OTUD7B: variants seen among roughly 807,000 people sequenced by gnomAD.
OTUD7B encodes the protein OTU domain-containing protein 7B.
Under a neutral mutation model 82.2 loss-of-function variants are expected in OTUD7B, and 34 were observed. That is an observed-to-expected ratio of 0.41 (90% confidence interval 0.31 to 0.55). OTUD7B has a LOEUF of 0.55. OTUD7B is among the 20% of genes least tolerant of loss of function. The pLI, the probability that OTUD7B is intolerant of heterozygous loss-of-function variation, is 0.20. For synonymous variants in OTUD7B, 398 were observed against 402.7 expected (o/e 0.99, Z 0.14); for missense variants, 944 against 1,062.1 (o/e 0.89, Z 1.55).
chr1:150,056,539 G>T, the OTUD7B span, among the ~76,000 whole-genome samples: 348 of 152,222 alleles, frequency 2.3e-3, 1 homozygote, highest in African/African-American at 8.0e-3. Context: ...ACATCAATCT[G>T]AGGTAGGCGT....
At chr1:149,982,504 G>C (rs1553779945) in intron 1 of OTUD7B, among the ~76,000 whole-genome samples, 1 of 152,032 alleles carries the variant, frequency 6.6e-6, no homozygotes, top group Non-Finnish European at 1.5e-5. Context: ...CTGTCACCCA[G>C]GCTGGAGTGC....
the OTUD7B span, among the ~76,000 whole-genome samples, chr1:150,026,570 G>GTAA: frequency 6.6e-6 from 1 of 152,102 alleles, no homozygotes; most frequent in Admixed American, 6.5e-5. Flanking sequence ...TTGTGCAAAG[G>GTAA]TAACACATAG....
chr1:149,979,340 C>T (rs1454295307), intron 1 of OTUD7B, among the ~76,000 whole-genome samples: 1 of 152,140 alleles, frequency 6.6e-6, no homozygotes, highest in African/African-American at 2.4e-5. Flanking sequence ...ACCATGCTGT[C>T]ACAACTCTTA....
At chr1:150,033,029 A>G in the OTUD7B span, among the ~76,000 whole-genome samples, 1 of 152,288 alleles carries the variant, frequency 6.6e-6, no homozygotes, top group African/African-American at 2.4e-5. Flanking sequence ...ACATTCTGTA[A>G]TTACTCAGTT....
intron 7 of OTUD7B, among the ~76,000 whole-genome samples, chr1:149,952,926 C>A (rs2101758697): frequency 6.6e-6 from 1 of 152,224 alleles, no homozygotes; most frequent in South Asian, 2.1e-4. Context: ...TGTTTAAGTT[C>A]TTTGTAGATT....
At chr1:150,024,866 G>T in the OTUD7B span, among the ~76,000 whole-genome samples, 1 of 151,984 alleles carries the variant, frequency 6.6e-6, no homozygotes, top group Admixed American at 6.6e-5. Context: ...TGGCCAACAT[G>T]GTGAAACCCC....
chr1:149,954,040 C>A (rs587733523), intron 7 of OTUD7B, among the ~76,000 whole-genome samples: 13 of 152,246 alleles, frequency 8.5e-5, no homozygotes, highest in African/African-American at 2.9e-4. Flanking sequence ...CCCTTTATTT[C>A]TTTCTCCTGC....
At chr1:150,058,556 A>G in the OTUD7B span, among the ~76,000 whole-genome samples, 304 of 152,328 alleles carry the variant, frequency 2.0e-3, no homozygotes, top group Non-Finnish European at 2.6e-3. Context: ...AAGTAAATAA[A>G]TTAAATAAAT....
intron 1 of OTUD7B, among the ~76,000 whole-genome samples, chr1:149,978,382 C>G (rs1270256154): frequency 6.6e-6 from 1 of 152,146 alleles, no homozygotes; most frequent in Non-Finnish European, 1.5e-5. Flanking sequence ...TGGCGGGCAC[C>G]TGTAATCCTA....
intron 1 of OTUD7B, among the ~76,000 whole-genome samples, chr1:149,979,160 G>A (rs1650537466): frequency 6.6e-6 from 1 of 152,014 alleles, no homozygotes; most frequent in Non-Finnish European, 1.5e-5. Flanking sequence ...CTATAATATG[G>A]TAGGTAGTCA....
In OTUD7B at chr1:149,967,610, G is replaced by C. The variant is rs781965517; in HGVS notation, c.275-89C>G. The stretch of plus-strand genomic sequence containing the variant: ...GTGGTGATAGTTACCTCTCAACAGG[G>C]TTTACAGTCAGAGAAAAACTAAGTC... On this transcript the variant is annotated intron_variant, in intron 3 of 11. Transcript: ENST00000581312. The C allele has an allele frequency of 3.9e-4, 384 of 984,218 alleles. 1 individual carries two copies. The highest frequency in any genetic ancestry group is 5.3e-4 in the Non-Finnish European group (363 of 686,356). 61.0% of individuals were successfully genotyped at this position (984,218 alleles called of 1,614,324 possible).
intron 1 of OTUD7B, among the ~76,000 whole-genome samples, chr1:149,984,299 C>A (rs1650988117): frequency 6.6e-6 from 1 of 152,152 alleles, no homozygotes; most frequent in Admixed American, 6.5e-5. Flanking sequence ...TCCCCTGCTC[C>A]TATTTGTTGG....
intron 7 of OTUD7B, among the ~76,000 whole-genome samples, chr1:149,952,015 C>CTA (rs1648293866): frequency 1.3e-5 from 2 of 152,028 alleles, no homozygotes; most frequent in Non-Finnish European, 1.5e-5. Context: ...CTCCTCAGAT[C>CTA]TAGAGTAGCA....
At chr1:150,033,536 G>A in the OTUD7B span, among the ~76,000 whole-genome samples, 1 of 152,134 alleles carries the variant, frequency 6.6e-6, no homozygotes, top group Non-Finnish European at 1.5e-5. Context: ...GTAAAAAAGA[G>A]GAGTTAAAAT....
intron 6 of OTUD7B, chr1:149,960,935 T>TG (rs1649111995): frequency 1.4e-5 from 2 of 141,264 alleles, no homozygotes. Context: ...TTTTTTTTTT[T>TG]TTTTTTTTTG....
At position 149,938,090 on chromosome 1, in the gene OTUD7B, C is replaced by G. The variant is rs1212577543; in HGVS notation, c.*5767G>C. The G allele has an allele frequency of 6.6e-6, 1 of 152,410 alleles. No individual in the cohort carries two copies. Among genetic ancestry groups the G allele is most frequent in the African/African-American group, 2.4e-5 (1 of 41,434 alleles). 9.4% of individuals were successfully genotyped at this position (152,410 alleles called of 1,614,324 possible). A position where few individuals can be genotyped will look rare whatever the true frequency, so the allele number is the denominator to read the frequency against. Reference sequence around the variant, plus strand: ...AGTCCTAAAGGCTACAGAGCACCACCACCCCACCTGCCCCTAATGCATTCC... The same window carrying G: ...AGTCCTAAAGGCTACAGAGCACCACGACCCCACCTGCCCCTAATGCATTCC... On this transcript the variant is annotated 3_prime_UTR_variant, in exon 12 of 12. Transcript: ENST00000581312.
chr1:150,017,617 G>A, the OTUD7B span, among the ~76,000 whole-genome samples: 6 of 152,224 alleles, frequency 3.9e-5, no homozygotes, highest in Non-Finnish European at 7.3e-5. Context: ...GCAATGAGGA[G>A]AGGCCTGGGA....
At position 149,994,365 on chromosome 1, in the gene OTUD7B, G is replaced by A. The variant is rs955304893; in HGVS notation, c.-67+16083C>T. On this transcript the variant is annotated intron_variant, in intron 1 of 11. Coordinates refer to ENST00000581312, the MANE Select transcript of OTUD7B (RefSeq NM_020205.4). Reference sequence around the variant, plus strand: ...TGGGAGGCTGAGGTGGGCGGATCACGAGGTCAAGAGATCGAGACCATCCTG... The same window carrying A: ...TGGGAGGCTGAGGTGGGCGGATCACAAGGTCAAGAGATCGAGACCATCCTG... 4.6e-5 allele frequency among the ~76,000 whole-genome samples: 7 copies of A among 151,962 alleles called. No individual in the cohort carries two copies. In the South Asian group the frequency reaches 6.2e-4, roughly 14 times the overall value.
intron 6 of OTUD7B, chr1:149,962,330 G>A (rs1553775785): frequency 6.6e-6 from 1 of 152,168 alleles, no homozygotes; most frequent in African/African-American, 2.4e-5. Flanking sequence ...CTTATTTAGT[G>A]TGGTTTTGGT....
Sources: gnomAD v4.1 joint callset for allele counts (sites outside exome capture counted in the v4.1 genomes callset) on GRCh38, gnomAD v4.1.1 for gene constraint, MANE v1.5 for transcripts, NCBI Gene and HGNC (gene_info 2026-07-23, HGNC 2026-07-21) for gene names.